The following RALYL variants were observed in gnomAD, a reference collection of about 807,000 sequenced individuals.
The protein encoded by RALYL is RNA-binding Raly-like protein.
Under a neutral mutation model 35.1 loss-of-function variants are expected in RALYL, and 29 were observed. The observed-to-expected ratio is 0.83, with a 90% CI of 0.61 to 1.13. RALYL has a LOEUF of 1.13. Ranked by LOEUF, RALYL falls within the 50% of genes most tolerant of loss-of-function variation. The pLI is 0.00. For synonymous variants in RALYL, 120 were observed against 127.6 expected (o/e 0.94, Z 0.40); for missense variants, 359 against 360.4 (o/e 1.00, Z 0.03).
At position 84,862,389 on chromosome 8, in the gene RALYL, G is replaced by C. The variant is rs768117786; in HGVS notation, c.507G>C (p.Gly169=). The C allele has an allele frequency of 1.2e-6, 2 of 1,607,584 alleles. No homozygotes were observed. The highest frequency in any genetic ancestry group is 1.7e-6 in the Non-Finnish European group (2 of 1,177,340). Residue 169 remains glycine, a synonymous_variant, in exon 6 of 9, where the codon GGG becomes GGC. Coordinates refer to ENST00000521268, the MANE Select transcript of RALYL (RefSeq NM_173848.7). The part of the protein sequence containing the change: ...PRVAVTTTRR[G]KGVFSMKGGS... Reference sequence around the variant, plus strand: ...TGGCAGTCACAACGACTCGCAGGGGGAAAGGAGTCTTTTCCATGAAAGGTG... The same window carrying C: ...TGGCAGTCACAACGACTCGCAGGGGCAAAGGAGTCTTTTCCATGAAAGGTG...
chr8:84,524,270 C>T lies in RALYL; in HGVS notation c.-23-5029C>T, dbSNP rs561187607. 3.9e-5 allele frequency among the ~76,000 whole-genome samples: 6 copies of T among 152,164 alleles called. No individual in the cohort carries two copies. In the East Asian group the frequency reaches 1.2e-3, roughly 29 times the overall value. ...GATTTACAAGAAAAAAACAAACAAC[C>T]CCATCAAAAAGTGGGCGAAGGACAT... On this transcript the variant is annotated intron_variant, in intron 1 of 8. Coordinates refer to ENST00000521268, the MANE Select transcript of RALYL (RefSeq NM_173848.7).
At chr8:84,748,754 A>T (rs1809245945) in intron 2 of RALYL, among the ~76,000 whole-genome samples, 3 of 152,142 alleles carry the variant, frequency 2.0e-5, no homozygotes, top group African/African-American at 4.8e-5. Flanking sequence ...AATTAGATTT[A>T]TGTACCCATA....
At chr8:84,669,487 TCC>T (rs71273910) in intron 2 of RALYL, among the ~76,000 whole-genome samples, 105 of 15,550 alleles carry the variant, frequency 6.8e-3, no homozygotes, top group African/African-American at 0.023. Flanking sequence ...CCCTCCCCCC[TCC>T]CCCCCCCCCC....
chr8:84,585,128 T>G (rs1267554657), intron 2 of RALYL, among the ~76,000 whole-genome samples: 3 of 152,106 alleles, frequency 2.0e-5, no homozygotes, highest in Non-Finnish European at 4.4e-5. Context: ...TTATGGGTAT[T>G]TTTTTTAATA....
intron 2 of RALYL, among the ~76,000 whole-genome samples, chr8:84,688,042 A>G (rs1554779460): frequency 6.6e-6 from 1 of 152,106 alleles, no homozygotes; most frequent in Non-Finnish European, 1.5e-5. Context: ...GGACAAATGG[A>G]CACTCAAAGT....
chr8:84,552,988 A>G (rs1248998000), intron 2 of RALYL, among the ~76,000 whole-genome samples: 4 of 152,306 alleles, frequency 2.6e-5, no homozygotes, highest in African/African-American at 9.6e-5. Flanking sequence ...ACACACATAC[A>G]TACATAAATG....
intron 2 of RALYL, among the ~76,000 whole-genome samples, chr8:84,573,092 T>C (rs1808422620): frequency 6.6e-6 from 1 of 151,526 alleles, no homozygotes; most frequent in African/African-American, 2.4e-5. Flanking sequence ...ATTTTCACAT[T>C]ATACTTTATG....
At chr8:84,786,935 G>T (rs1274911919) in intron 3 of RALYL, among the ~76,000 whole-genome samples, 6 of 152,044 alleles carry the variant, frequency 3.9e-5, no homozygotes, top group Non-Finnish European at 7.4e-5. Context: ...TAAAATATAT[G>T]CAGAGAAAAA....
At chr8:84,397,860 T>C (rs1420849048) in intron 1 of RALYL, among the ~76,000 whole-genome samples, 2 of 152,190 alleles carry the variant, frequency 1.3e-5, no homozygotes, top group African/African-American at 4.8e-5. Flanking sequence ...ATACTTCCTT[T>C]TATAAGGTGA....
intron 6 of RALYL, among the ~76,000 whole-genome samples, chr8:84,864,263 AC>A (rs1344159284): frequency 6.6e-6 from 1 of 152,020 alleles, no homozygotes; most frequent in Non-Finnish European, 1.5e-5. Context: ...TGAAAATTGG[AC>A]TACTAAATAC....
intron 3 of RALYL, among the ~76,000 whole-genome samples, chr8:84,780,012 T>C (rs753688299): frequency 2.9e-4 from 44 of 152,228 alleles, no homozygotes; most frequent in Non-Finnish European, 5.3e-4. Context: ...TGCTGAGAAA[T>C]GTTTACCAAT....
At chr8:84,380,295 C>A (rs1156965644) in intron 1 of RALYL, among the ~76,000 whole-genome samples, 1 of 151,822 alleles carries the variant, frequency 6.6e-6, no homozygotes, top group Non-Finnish European at 1.5e-5. Context: ...GTCATTTCTT[C>A]TTTGAAAAAA....
At chr8:84,879,331 A>T (rs111521681) in intron 7 of RALYL, among the ~76,000 whole-genome samples, 34 of 152,298 alleles carry the variant, frequency 2.2e-4, no homozygotes, top group African/African-American at 7.9e-4. Flanking sequence ...ACTTGAGGCA[A>T]TTTTTAATTC....
intron 1 of RALYL, among the ~76,000 whole-genome samples, chr8:84,513,358 C>A (rs2057781252): frequency 6.6e-6 from 1 of 151,972 alleles, no homozygotes; most frequent in Non-Finnish European, 1.5e-5. Flanking sequence ...TTATATCCAG[C>A]AAACTGTTAG....
intron 2 of RALYL, among the ~76,000 whole-genome samples, chr8:84,732,290 C>T (rs965324668): frequency 4.6e-5 from 7 of 152,014 alleles, no homozygotes; most frequent in Non-Finnish European, 7.4e-5. Context: ...TTGAATGAAC[C>T]ATGAATGATT....
intron 1 of RALYL, chr8:84,185,289 T>G (rs923179536): frequency 4.0e-5 from 20 of 502,504 alleles, no homozygotes; most frequent in African/African-American, 3.3e-4. Flanking sequence ...GTTTTCCCTC[T>G]TTTTAACCAC....
intron 1 of RALYL, among the ~76,000 whole-genome samples, chr8:84,330,752 C>T (rs936153354): frequency 6.6e-6 from 1 of 152,028 alleles, no homozygotes; most frequent in Non-Finnish European, 1.5e-5. Context: ...CTCCTTCAAT[C>T]ATACTTTTTC....
chr8:84,388,187 G>A (rs1304137404), intron 1 of RALYL, among the ~76,000 whole-genome samples: 1 of 151,990 alleles, frequency 6.6e-6, no homozygotes, highest in Non-Finnish European at 1.5e-5. Context: ...CTTTTTTATG[G>A]CTGCATAGTA....
chr8:84,783,910 A>T (rs1269024618), intron 3 of RALYL, among the ~76,000 whole-genome samples: 1 of 152,220 alleles, frequency 6.6e-6, no homozygotes, highest in Non-Finnish European at 1.5e-5. Context: ...AAAGTGAGCA[A>T]CCAGCCAGGA....
Sources: allele counts gnomAD v4.1 joint callset (sites outside exome capture counted in the v4.1 genomes callset), GRCh38; gene constraint gnomAD v4.1.1; transcripts MANE v1.5; gene names NCBI Gene and HGNC (gene_info 2026-07-23, HGNC 2026-07-21).